The following ANKRD18B variants were observed in gnomAD, a reference collection of about 807,000 sequenced individuals.
ANKRD18B encodes ankyrin repeat domain 18B.
A neutral mutation model predicts 111.8 loss-of-function variants in ANKRD18B; 75 were observed. The observed-to-expected ratio is 0.67, with a 90% confidence interval of 0.56 to 0.81. ANKRD18B has a LOEUF of 0.81. Ranked by LOEUF, ANKRD18B falls within the 40% of genes least tolerant of loss-of-function variation. The probability of loss-of-function intolerance (pLI) is 0.00; values close to 1 mark genes in which losing one functional copy is unlikely to be tolerated. For missense variants in ANKRD18B, 1,038 were observed against 1,225.5 expected (o/e 0.85, Z 2.28); for synonymous variants, 356 against 417.3 (o/e 0.85, Z 1.79).
At chr9:33,552,017 T>C (rs533256911) in intron 12 of ANKRD18B, among the ~76,000 whole-genome samples, 1 of 152,380 alleles carries the variant, frequency 6.6e-6, no homozygotes, top group Non-Finnish European at 1.5e-5. Flanking sequence ...TGTCTTAACA[T>C]AAATTCACTT....
intron 3 of ANKRD18B, among the ~76,000 whole-genome samples, chr9:33,530,004 T>C (rs1481093779): frequency 1.3e-5 from 2 of 152,180 alleles, no homozygotes; most frequent in Non-Finnish European, 2.9e-5. Context: ...AGCTTATAAA[T>C]AGCAAAATCA....
At chr9:33,552,287 T>C (rs1047033707) in intron 12 of ANKRD18B, among the ~76,000 whole-genome samples, 7 of 152,234 alleles carry the variant, frequency 4.6e-5, no homozygotes, top group African/African-American at 1.7e-4. Context: ...TAAATTTGCC[T>C]TCCTTCACTA....
intron 8 of ANKRD18B, among the ~76,000 whole-genome samples, chr9:33,540,922 A>G (rs535454232): frequency 8.5e-5 from 13 of 152,154 alleles, no homozygotes; most frequent in Non-Finnish European, 1.5e-4. Context: ...TATGTAGAGG[A>G]TAGATGGAGG....
chr9:33,557,942 G>A (rs1828550951), intron 13 of ANKRD18B, 116 bp from the exon 14 acceptor site: 2 of 955,670 alleles, frequency 2.1e-6, no homozygotes, highest in Non-Finnish European at 3.0e-6. Flanking sequence ...GAAACTGAGA[G>A]GATCATAGTT....
chr9:33,568,908 C>A lies in ANKRD18B; in HGVS notation c.3177+15C>A. 25 of 1,515,118 alleles carry A rather than the reference C, an allele frequency of 1.7e-5. No individual in the cohort carries two copies. The highest frequency in any genetic ancestry group is 2.6e-5 in the South Asian group (2 of 77,606). The allele number at this position is 1,515,118 out of a possible 1,614,324, so 93.9% of individuals were successfully genotyped here. A position where few individuals can be genotyped will look rare whatever the true frequency, so the allele number is the denominator to read the frequency against. ...CCTTGACTGAGGTTAGTTATATGAC[C>A]ATTTCTCTTTTGGGTTTCATTTCTC... On this transcript the variant is annotated intron_variant, in intron 17 of 18. Coordinates refer to ENST00000684830, the MANE Select transcript of ANKRD18B (RefSeq NM_001393611.1).
intron 10 of ANKRD18B, among the ~76,000 whole-genome samples, chr9:33,544,367 CTTAA>C (rs1828325609): frequency 6.6e-6 from 1 of 152,200 alleles, no homozygotes; most frequent in Non-Finnish European, 1.5e-5. Flanking sequence ...TTTGTTCATA[CTTAA>C]TTTAGAATAA....
chr9:33,572,264 G>T, intron 18 of ANKRD18B, 52 bp from the exon 19 acceptor site: 2 of 1,407,942 alleles, frequency 1.4e-6, no homozygotes, highest in Non-Finnish European at 2.0e-6. Flanking sequence ...CTTACACTTC[G>T]TTAACTGAAA....
At chr9:33,569,651 T>C (rs1269917325) in intron 17 of ANKRD18B, among the ~76,000 whole-genome samples, 3 of 152,154 alleles carry the variant, frequency 2.0e-5, no homozygotes, top group Non-Finnish European at 2.9e-5. Context: ...TAACAACATA[T>C]AGATATTTAT....
intron 5 of ANKRD18B, among the ~76,000 whole-genome samples, chr9:33,535,788 A>T (rs532020168): frequency 6.9e-6 from 1 of 144,336 alleles, no homozygotes; most frequent in African/African-American, 2.5e-5. Flanking sequence ...TAAATATTAT[A>T]TATAATTATT....
rs564269073 is a variant in ANKRD18B at position 33,554,380 on chromosome 9, G to A, written c.2218-1328G>A. On this transcript the variant is annotated intron_variant, in intron 12 of 18. Transcript: ENST00000684830. ...CAAGTAGCAAATGTATAAGTGTGTG[G>A]TTGAGAATATTGTCTATAATATGTG... is the stretch of plus-strand genomic sequence containing the variant. 2.0e-5 allele frequency among the ~76,000 whole-genome samples: 3 copies of A among 152,308 alleles called. No homozygotes were observed. In the East Asian group the frequency reaches 5.8e-4, roughly 29 times the overall value.
intron 1 of ANKRD18B, among the ~76,000 whole-genome samples, chr9:33,527,623 T>TGC (rs1188020204): frequency 6.6e-6 from 1 of 152,182 alleles, no homozygotes; most frequent in Non-Finnish European, 1.5e-5. Flanking sequence ...CCCGGCCAGC[T>TGC]GCATGTTTTT....
At chr9:33,543,289 G>A in intron 10 of ANKRD18B, 34 bp downstream of exon 10, 16 of 1,512,454 alleles carry the variant, frequency 1.1e-5, no homozygotes, top group Non-Finnish European at 1.4e-5. Flanking sequence ...GTTTAATATT[G>A]GTTTGTTTGT....
At chr9:33,564,876 G>T (rs1828662945) in intron 14 of ANKRD18B, among the ~76,000 whole-genome samples, 1 of 151,900 alleles carries the variant, frequency 6.6e-6, no homozygotes, top group Non-Finnish European at 1.5e-5. Flanking sequence ...TATCTAATCA[G>T]ATCTTTTGCC....
At chr9:33,563,556 C>T (rs1828643711) in intron 14 of ANKRD18B, among the ~76,000 whole-genome samples, 1 of 150,290 alleles carries the variant, frequency 6.7e-6, no homozygotes, top group Non-Finnish European at 1.5e-5. Flanking sequence ...TACATGGTAT[C>T]CCTTTTACTG....
intron 1 of ANKRD18B, among the ~76,000 whole-genome samples, chr9:33,526,443 GT>G (rs201350649): frequency 0.016 from 2,495 of 152,258 alleles, 58 homozygotes; most frequent in African/African-American, 0.055. Context: ...ATGGTCTTGT[GT>G]TAGGCAAAAC....
At position 33,548,586 on chromosome 9, in the gene ANKRD18B, G is replaced by A. The variant is rs770332288; in HGVS notation, c.1798G>A (p.Glu600Lys). 1 of 1,551,276 alleles carries A rather than the reference G, an allele frequency of 6.4e-7. No individual in the cohort carries two copies. Among genetic ancestry groups the A allele is most frequent in the Admixed American group, 2.0e-5 (1 of 50,932 alleles). The change falls in exon 11 of 19, where the codon GAA (glutamate) becomes AAA (lysine). Residue 600 changes from glutamate (E) to lysine (K), a missense_variant. Coordinates refer to ENST00000684830, the MANE Select transcript of ANKRD18B (RefSeq NM_001393611.1). ...KEMKQMHPNG[E>K]AKESQSIGKQ... ...AATGAAGCAGATGCATCCAAATGGG[G>A]AAGCTAAAGAAAGTCAATCCATTGG...
At chr9:33,574,445 G>A (rs1172409947), downstream of ANKRD18B, 2 of 153,084 alleles carry the variant, frequency 1.3e-5, no homozygotes, top group African/African-American at 2.4e-5. Context: ...TGCCTGGAAA[G>A]GGAACGTGAG....
chr9:33,568,585 A>G, intron 16 of ANKRD18B, 86 bp from the exon 17 acceptor site: 3 of 1,280,580 alleles, frequency 2.3e-6, no homozygotes, highest in Non-Finnish European at 2.1e-6. Context: ...GTTTACTCTC[A>G]GGGCAACTGT....
chr9:33,536,803 A>G (rs1828208098), intron 5 of ANKRD18B, 75 bp from the exon 6 acceptor site: 4 of 976,794 alleles, frequency 4.1e-6, no homozygotes, highest in Non-Finnish European at 5.8e-6. Context: ...AAATGCTTTA[A>G]GAATTTAATC....
Sources: allele counts gnomAD v4.1 joint callset (sites outside exome capture counted in the v4.1 genomes callset), GRCh38; gene constraint gnomAD v4.1.1; transcripts MANE v1.5; gene names NCBI Gene and HGNC (gene_info 2026-07-23, HGNC 2026-07-21).